PTPRD: variants seen among roughly 807,000 people sequenced by gnomAD.
The protein encoded by PTPRD is protein tyrosine phosphatase receptor type D.
A neutral mutation model predicts 214.5 loss-of-function variants in PTPRD; 34 were observed. That is an observed-to-expected ratio of 0.16 (90% CI 0.12 to 0.21). PTPRD has a LOEUF of 0.21. PTPRD is among the 10% of genes least tolerant of loss of function. PTPRD has a pLI of 1.00. For synonymous variants in PTPRD, 1,128 were observed against 845.7 expected, an observed-to-expected ratio of 1.33 and a Z score of -5.79; for missense variants, 2,545 against 2,398.7, an observed-to-expected ratio of 1.06 and a Z score of -1.27.
intron 8 of PTPRD, among the ~76,000 whole-genome samples, chr9:9,521,068 C>A (rs2096959542): frequency 6.6e-6 from 1 of 152,070 alleles, no homozygotes; most frequent in African/African-American, 2.4e-5. Flanking sequence ...AATCAAAGCC[C>A]CTAATCTTTT....
At chr9:8,950,192 A>T (rs1332682804) in intron 11 of PTPRD, among the ~76,000 whole-genome samples, 1 of 152,132 alleles carries the variant, frequency 6.6e-6, no homozygotes, top group Non-Finnish European at 1.5e-5. Flanking sequence ...CTCTCACTAG[A>T]TGGGGTAGGG....
chr9:10,291,028 C>CTT (rs546852022), intron 3 of PTPRD, among the ~76,000 whole-genome samples: 67 of 130,642 alleles, frequency 5.1e-4, no homozygotes, highest in African/African-American at 1.3e-3. Context: ...AGAATCTACA[C>CTT]TTTTTTTTTT....
chr9:8,614,292 T>C (rs180744072), intron 14 of PTPRD, among the ~76,000 whole-genome samples: 1 of 152,138 alleles, frequency 6.6e-6, no homozygotes, highest in East Asian at 1.9e-4. Flanking sequence ...AATATTTGAG[T>C]TGCCCAACAC....
chr9:10,255,606 A>T (rs2475329), intron 3 of PTPRD, among the ~76,000 whole-genome samples: 94,978 of 152,084 alleles, frequency 0.62, 30,186 homozygotes, highest in Non-Finnish European at 0.68. Context: ...TAGGCTACAG[A>T]AAATGTATAC....
intron 5 of PTPRD, among the ~76,000 whole-genome samples, chr9:9,818,156 T>C (rs2153564078): frequency 6.6e-6 from 1 of 152,242 alleles, no homozygotes; most frequent in African/African-American, 2.4e-5. Context: ...TTAGAAATAA[T>C]ATGTATTTTT....
intron 36 of PTPRD, among the ~76,000 whole-genome samples, chr9:8,399,096 CTTTTTTT>C (rs371669292): frequency 5.8e-5 from 8 of 137,742 alleles, no homozygotes; most frequent in Non-Finnish European, 1.1e-4. Context: ...GCCCACTAAG[CTTTTTTT>C]TTTTTTTTTT....
chr9:10,530,362 A>G (rs1476795013), intron 2 of PTPRD, among the ~76,000 whole-genome samples: 2 of 152,202 alleles, frequency 1.3e-5, no homozygotes, highest in Admixed American at 1.3e-4. Flanking sequence ...AATTTACGAA[A>G]AAGTAAGAAA....
At chr9:9,853,920 A>T (rs973986780) in intron 5 of PTPRD, among the ~76,000 whole-genome samples, 3 of 152,226 alleles carry the variant, frequency 2.0e-5, no homozygotes, top group Non-Finnish European at 4.4e-5. Context: ...TGATGTTTCC[A>T]TCTGTGTATA....
At chr9:10,286,640 C>T (rs533410144) in intron 3 of PTPRD, among the ~76,000 whole-genome samples, 26 of 151,998 alleles carry the variant, frequency 1.7e-4, no homozygotes, top group African/African-American at 3.6e-4. Context: ...CACTCTCTCC[C>T]GGGCTGGAGT....
intron 2 of PTPRD, among the ~76,000 whole-genome samples, chr9:10,555,503 T>C (rs1241763131): frequency 1.3e-5 from 2 of 152,194 alleles, no homozygotes; most frequent in Admixed American, 1.3e-4. Context: ...TTAGGAGCAC[T>C]TGGGTTTTTG....
At chr9:10,318,220 C>A (rs1596979648) in intron 3 of PTPRD, among the ~76,000 whole-genome samples, 1 of 151,874 alleles carries the variant, frequency 6.6e-6, no homozygotes, top group African/African-American at 2.4e-5. Context: ...TTAAGTCAAC[C>A]CCAGTGGTAC....
intron 2 of PTPRD, among the ~76,000 whole-genome samples, chr9:10,604,185 CATA>C (rs1383154205): frequency 5.6e-3 from 4 of 710 alleles, no homozygotes; most frequent in Admixed American, 0.031. Context: ...CTATTCTGAC[CATA>C]TTCTGACCTA....
intron 39 of PTPRD, among the ~76,000 whole-genome samples, chr9:8,371,710 T>A (rs553269490): frequency 6.6e-6 from 1 of 152,200 alleles, no homozygotes; most frequent in Admixed American, 6.6e-5. Flanking sequence ...TCAACAAAAC[T>A]ATCTGAAGCC....
At chr9:10,181,942 T>TAAAAAAAAA (rs3075573) in intron 3 of PTPRD, among the ~76,000 whole-genome samples, 3 of 38,512 alleles carry the variant, frequency 7.8e-5, no homozygotes, top group Non-Finnish European at 1.1e-4. Context: ...TCATAAATAC[T>TAAAAAAAAA]AAAAAAAAAA....
At chr9:10,374,534 C>T (rs2097691305) in intron 2 of PTPRD, among the ~76,000 whole-genome samples, 1 of 152,002 alleles carries the variant, frequency 6.6e-6, no homozygotes, top group Non-Finnish European at 1.5e-5. Flanking sequence ...ATAGGAGCCA[C>T]ACTCAGATGC....
At chr9:10,393,770 C>A in intron 2 of PTPRD, among the ~76,000 whole-genome samples, 1 of 147,428 alleles carries the variant, frequency 6.8e-6, no homozygotes, top group Non-Finnish European at 1.5e-5. Context: ...CTTATCTAAT[C>A]AAGTGATCCC....
At chr9:9,061,870 A>G (rs2099708123) in intron 10 of PTPRD, among the ~76,000 whole-genome samples, 1 of 152,126 alleles carries the variant, frequency 6.6e-6, no homozygotes, top group Admixed American at 6.6e-5. Flanking sequence ...TGTCAAACTC[A>G]AATAATCCCC....
At chr9:10,221,414 T>C (rs1362249997) in intron 3 of PTPRD, among the ~76,000 whole-genome samples, 10 of 152,028 alleles carry the variant, frequency 6.6e-5, no homozygotes, top group African/African-American at 2.2e-4. Flanking sequence ...ACTATCCTTT[T>C]TCCTAAGGGA....
chr9:8,333,199 A>ATGAT (rs1375207783), intron 43 of PTPRD, among the ~76,000 whole-genome samples: 2 of 152,194 alleles, frequency 1.3e-5, no homozygotes, highest in African/African-American at 4.8e-5. Flanking sequence ...CCATGGAAGC[A>ATGAT]TGATTTACTT....
Sources: gnomAD v4.1 joint callset for allele counts (sites outside exome capture counted in the v4.1 genomes callset) on GRCh38, gnomAD v4.1.1 for gene constraint, MANE v1.5 for transcripts, NCBI Gene and HGNC (gene_info 2026-07-23, HGNC 2026-07-21) for gene names.